PEAK1: variants seen among roughly 807,000 people sequenced by gnomAD.
PEAK1 encodes pseudopodium enriched atypical kinase 1, also known as inactive tyrosine-protein kinase PEAK1.
Under a neutral mutation model 124.7 loss-of-function variants are expected in PEAK1, and 54 were observed. The observed-to-expected ratio is 0.43, with a 90% confidence interval of 0.35 to 0.54. The LOEUF (loss-of-function observed/expected upper bound fraction) is 0.54, where lower values mean the gene tolerates loss of function less well. Ranked by LOEUF, PEAK1 falls within the 20% of genes least tolerant of loss-of-function variation. PEAK1 has a pLI of 0.01. For missense variants in PEAK1, 2,046 were observed against 2,134.5 expected (o/e 0.96, Z 0.82); for synonymous variants, 719 against 760.0 (o/e 0.95, Z 0.89).
At chr15:77,256,955 C>G (rs1241509741) in intron 5 of PEAK1, among the ~76,000 whole-genome samples, 1 of 150,806 alleles carries the variant, frequency 6.6e-6, no homozygotes. Flanking sequence ...CAATTCCCAC[C>G]TATGAGTGAG....
At chr15:77,413,224 TG>T (rs1451082844) in intron 1 of PEAK1, among the ~76,000 whole-genome samples, 6 of 152,242 alleles carry the variant, frequency 3.9e-5, no homozygotes, top group Non-Finnish European at 8.8e-5. Context: ...ATTACTGTGG[TG>T]GTTTTAATAT....
At chr15:77,185,343 G>A (rs1567088526) in intron 6 of PEAK1, among the ~76,000 whole-genome samples, 1 of 152,150 alleles carries the variant, frequency 6.6e-6, no homozygotes, top group Non-Finnish European at 1.5e-5. Flanking sequence ...GAGATATTTA[G>A]GCCGAAAAGA....
chr15:77,336,160 C>G, intron 2 of PEAK1: 1 of 985,410 alleles, frequency 1.0e-6, no homozygotes. Flanking sequence ...GAGCACAAGA[C>G]CTGCACCTAC....
intron 4 of PEAK1, 159 bp from the exon 5 acceptor site, chr15:77,284,189 T>C: frequency 4.7e-6 from 1 of 212,324 alleles, no homozygotes; most frequent in Non-Finnish European, 8.1e-6. Context: ...TTAATGTATG[T>C]AAAGAGCAAA....
chr15:77,260,626 T>A (rs2061389996), intron 5 of PEAK1, among the ~76,000 whole-genome samples: 1 of 152,112 alleles, frequency 6.6e-6, no homozygotes, highest in African/African-American at 2.4e-5. Flanking sequence ...AATATTTCAC[T>A]AGACAGATAA....
At chr15:77,333,698 C>A in intron 2 of PEAK1, 13 of 967,438 alleles carry the variant, frequency 1.3e-5, no homozygotes, top group Non-Finnish European at 1.6e-5. Flanking sequence ...CTAATTCATT[C>A]TCCTAATGAA....
chr15:77,372,178 T>C (rs1444709138), intron 1 of PEAK1, among the ~76,000 whole-genome samples: 5 of 152,224 alleles, frequency 3.3e-5, no homozygotes, highest in Non-Finnish European at 5.9e-5. Context: ...GAAGATGCAT[T>C]GCTCCACTGT....
intron 6 of PEAK1, among the ~76,000 whole-genome samples, chr15:77,203,498 A>T (rs1201341996): frequency 6.6e-6 from 1 of 152,204 alleles, no homozygotes. Context: ...GCAAAATTGG[A>T]GGACTGACAT....
chr15:77,294,124 T>C (rs1451646895), intron 2 of PEAK1, among the ~76,000 whole-genome samples: 1 of 152,178 alleles, frequency 6.6e-6, no homozygotes, highest in African/African-American at 2.4e-5. Flanking sequence ...TTGGCCTATA[T>C]CACACTGTCC....
intron 6 of PEAK1, among the ~76,000 whole-genome samples, chr15:77,185,573 T>G (rs1180982366): frequency 6.6e-6 from 1 of 152,174 alleles, no homozygotes; most frequent in Non-Finnish European, 1.5e-5. Context: ...CATGAGCTCA[T>G]CTGTGACCTT....
At chr15:77,370,326 A>C (rs2068552798) in intron 1 of PEAK1, among the ~76,000 whole-genome samples, 1 of 152,190 alleles carries the variant, frequency 6.6e-6, no homozygotes, top group Non-Finnish European at 1.5e-5. Context: ...TCAGGTACAC[A>C]CAAAAAAGTT....
chr15:77,311,058 T>TA (rs1360311860), intron 2 of PEAK1, among the ~76,000 whole-genome samples: 1 of 152,352 alleles, frequency 6.6e-6, no homozygotes, highest in Non-Finnish European at 1.5e-5. Context: ...AATCACTGGA[T>TA]ACTGGTTAAA....
In PEAK1 at chr15:77,332,134, A is replaced by G. The variant is rs1429716128; in HGVS notation, c.-603+33029T>C. 3.3e-6 allele frequency: 3 copies of G among 899,202 alleles called. No individual in the cohort carries two copies. In the African/African-American group the frequency reaches 5.4e-5, roughly 16 times the overall value. The allele number at this position is 899,202 out of a possible 1,614,324, so 55.7% of individuals were successfully genotyped here. A position where few individuals can be genotyped will look rare whatever the true frequency, so the allele number is the denominator to read the frequency against. ...GCAAGACTCCATCTCAAAAAAATATAAAAATAAATTTAAAAATAAGTTGCT... is the reference window on the plus strand; with the variant it reads ...GCAAGACTCCATCTCAAAAAAATATGAAAATAAATTTAAAAATAAGTTGCT... On this transcript the variant is annotated intron_variant, in intron 2 of 9. Coordinates refer to ENST00000682557, the MANE Select transcript of PEAK1 (RefSeq NM_001385026.1).
At chr15:77,176,188 C>G (rs931818855) in intron 7 of PEAK1, among the ~76,000 whole-genome samples, 7 of 145,268 alleles carry the variant, frequency 4.8e-5, no homozygotes, top group Non-Finnish European at 7.4e-5. Context: ...ACCAGCATGG[C>G]ACATGTATAC....
At chr15:77,314,290 G>C (rs555091942) in intron 2 of PEAK1, among the ~76,000 whole-genome samples, 1 of 150,328 alleles carries the variant, frequency 6.7e-6, no homozygotes, top group South Asian at 2.1e-4. Flanking sequence ...AGTAAAACCT[G>C]ATACGAAAAA....
At chr15:77,336,037 T>C (rs1347353277) in intron 2 of PEAK1, 3 of 985,274 alleles carry the variant, frequency 3.0e-6, no homozygotes, top group African/African-American at 1.7e-5. Flanking sequence ...GTCTTAATTT[T>C]TGAAGGTAAG....
intron 2 of PEAK1, among the ~76,000 whole-genome samples, chr15:77,292,670 C>T (rs901965963): frequency 6.6e-6 from 1 of 151,946 alleles, no homozygotes; most frequent in African/African-American, 2.4e-5. Flanking sequence ...TCCGAGCGTG[C>T]CTGCAAATTA....
chr15:77,202,278 C>T (rs1048742363), intron 6 of PEAK1, among the ~76,000 whole-genome samples: 2 of 152,050 alleles, frequency 1.3e-5, no homozygotes, highest in African/African-American at 2.4e-5. Context: ...TTAGGAGTGC[C>T]GACCCCTCAT....
At chr15:77,414,484 G>A (rs1053662675) in intron 1 of PEAK1, among the ~76,000 whole-genome samples, 1 of 151,654 alleles carries the variant, frequency 6.6e-6, no homozygotes, top group Non-Finnish European at 1.5e-5. Context: ...AAAGTGCTGG[G>A]ACTACAGGTA....
Sources: allele counts gnomAD v4.1 joint callset (sites outside exome capture counted in the v4.1 genomes callset), GRCh38; gene constraint gnomAD v4.1.1; transcripts MANE v1.5; gene names NCBI Gene and HGNC (gene_info 2026-07-23, HGNC 2026-07-21).